Variants in CTNNA2 observed in about 807,000 individuals in gnomAD.
The protein encoded by CTNNA2 is catenin alpha 2, also known as catenin alpha-2.
Under a neutral mutation model 101.0 loss-of-function variants are expected in CTNNA2, and 42 were observed. The observed-to-expected ratio is 0.42, with a 90% CI of 0.32 to 0.54. The LOEUF (loss-of-function observed/expected upper bound fraction) is 0.54, where lower values mean the gene tolerates loss of function less well. Among genes scored for constraint, CTNNA2 ranks in the 20% least tolerant of loss-of-function variants. CTNNA2 has a pLI of 0.14. For missense variants in CTNNA2, 871 were observed against 1,223.1 expected (o/e 0.71, Z 4.29); for synonymous variants, 450 against 456.4 (o/e 0.99, Z 0.18).
chr2:79,911,811 T>A (rs1418517823), intron 7 of CTNNA2, among the ~76,000 whole-genome samples: 1 of 152,212 alleles, frequency 6.6e-6, no homozygotes, highest in Non-Finnish European at 1.5e-5. Context: ...TAACATTTAG[T>A]TGGACTTCAC....
At chr2:80,339,703 T>C (rs1347275762) in intron 7 of CTNNA2, among the ~76,000 whole-genome samples, 2 of 152,210 alleles carry the variant, frequency 1.3e-5, no homozygotes, top group Admixed American at 1.3e-4. Context: ...GTCTTCATGG[T>C]GGTCAATGAA....
At chr2:79,883,379 A>T (rs185117742) in intron 6 of CTNNA2, among the ~76,000 whole-genome samples, 151 of 152,318 alleles carry the variant, frequency 9.9e-4, no homozygotes, top group East Asian at 4.6e-3. Flanking sequence ...TGAATAGTTG[A>T]TGTAGTGATT....
At chr2:79,299,438 C>T (rs968083324) in intron 2 of CTNNA2, among the ~76,000 whole-genome samples, 1 of 152,210 alleles carries the variant, frequency 6.6e-6, no homozygotes, top group African/African-American at 2.4e-5. Flanking sequence ...TCCATGAGGA[C>T]TCAACAAGCA....
chr2:79,877,072 A>C (rs547329951), intron 6 of CTNNA2, among the ~76,000 whole-genome samples: 1 of 151,658 alleles, frequency 6.6e-6, no homozygotes, highest in South Asian at 2.1e-4. Context: ...AGTATATTAT[A>C]TATGAATGAA....
chr2:79,389,264 A>G (rs1006980858), intron 4 of CTNNA2, among the ~76,000 whole-genome samples: 13 of 152,182 alleles, frequency 8.5e-5, no homozygotes, highest in Non-Finnish European at 1.6e-4. Flanking sequence ...AATCAATCAT[A>G]TGGTTAAAAT....
At chr2:79,828,096 A>T (rs944322040) in intron 3 of CTNNA2, among the ~76,000 whole-genome samples, 6 of 152,204 alleles carry the variant, frequency 3.9e-5, no homozygotes, top group African/African-American at 1.4e-4. Flanking sequence ...AATAACTTAC[A>T]TATGAGGTTA....
intron 3 of CTNNA2, among the ~76,000 whole-genome samples, chr2:79,338,643 C>CTTCTTCTTCTTCTTCTTCTT (rs1558634030): frequency 6.9e-6 from 1 of 145,434 alleles, no homozygotes; most frequent in Non-Finnish European, 1.5e-5. Context: ...TCTTCTTCTT[C>CTTCTTCTTCTTCTTCTTCTT]AAAGATTCCT....
chr2:79,961,041 C>A (rs541836624), intron 7 of CTNNA2, among the ~76,000 whole-genome samples: 1 of 151,834 alleles, frequency 6.6e-6, no homozygotes, highest in African/African-American at 2.4e-5. Context: ...TTTCATTATG[C>A]GAATTAAAAT....
intron 9 of CTNNA2, among the ~76,000 whole-genome samples, chr2:80,461,235 C>T (rs922321601): frequency 6.6e-6 from 1 of 152,118 alleles, no homozygotes; most frequent in Non-Finnish European, 1.5e-5. Context: ...GATCACCCTC[C>T]TTGTCTGATG....
chr2:79,276,314 G>C (rs1178892355), intron 2 of CTNNA2, among the ~76,000 whole-genome samples: 2 of 152,020 alleles, frequency 1.3e-5, no homozygotes, highest in Admixed American at 1.3e-4. Flanking sequence ...AGCTATCCAA[G>C]TTTGAAAGTT....
In CTNNA2 at chr2:79,905,216, A is replaced by T. The variant is rs115734870; in HGVS notation, c.853-4378A>T. Among the ~76,000 whole-genome samples the T allele has an allele frequency of 4.1e-3, 625 of 152,324 alleles. 7 individuals carry two copies. Among genetic ancestry groups the T allele is most frequent in the African/African-American group, 0.014 (569 of 41,572 alleles). On this transcript the variant is annotated intron_variant, in intron 6 of 18. Transcript: ENST00000402739. ...TAAAACTCATAAAGCACAAAATAGT[A>T]TGCAAAGCAAATAAGCAAATAAGAA...
Position 80,302,623 on chromosome 2 carries a change from C to T in CTNNA2, c.1057-90588C>T. On this transcript the variant is annotated intron_variant, in intron 7 of 18. Transcript: ENST00000402739. This position sits in a 1 kb window ranked among gnomAD's most constrained non-coding sequence, Gnocchi z 6.4. ...GCTCGAATGTGCCGTCGTGCTGCCC[C>T]TCCCCGCCGTCCGCGAGCGTGGTGG... The T allele has an allele frequency of 6.2e-7, 1 of 1,606,248 alleles. No individual in the cohort carries two copies. Among genetic ancestry groups the T allele is most frequent in the Non-Finnish European group, 8.5e-7 (1 of 1,178,470 alleles).
intron 4 of CTNNA2, among the ~76,000 whole-genome samples, chr2:79,407,914 C>A (rs1041913946): frequency 1.3e-5 from 2 of 152,018 alleles, no homozygotes; most frequent in Non-Finnish European, 2.9e-5. Context: ...TTCAGGATGT[C>A]ATTTGTTATG....
At chr2:79,418,517 C>T (rs1313680061) in intron 4 of CTNNA2, among the ~76,000 whole-genome samples, 1 of 152,068 alleles carries the variant, frequency 6.6e-6, no homozygotes, top group Non-Finnish European at 1.5e-5. Flanking sequence ...ATAATTTTTG[C>T]AAAGGTGGTT....
intron 7 of CTNNA2, among the ~76,000 whole-genome samples, chr2:80,286,132 C>A (rs576077354): frequency 6.6e-6 from 1 of 152,112 alleles, no homozygotes; most frequent in Non-Finnish European, 1.5e-5. Context: ...CACATGGTCC[C>A]TTGAATGCAG....
intron 7 of CTNNA2, among the ~76,000 whole-genome samples, chr2:80,383,787 A>C (rs1676739208): frequency 6.6e-6 from 1 of 152,284 alleles, no homozygotes; most frequent in African/African-American, 2.4e-5. Context: ...AAAAAAAATT[A>C]CCATTCAACC....
chr2:80,423,823 A>G (rs1408764966), intron 9 of CTNNA2, among the ~76,000 whole-genome samples: 1 of 152,172 alleles, frequency 6.6e-6, no homozygotes, highest in African/African-American at 2.4e-5. Flanking sequence ...CAGGATTTCT[A>G]TGTGACAGCC....
At chr2:80,279,412 A>T (rs1423933897) in intron 7 of CTNNA2, among the ~76,000 whole-genome samples, 4 of 152,164 alleles carry the variant, frequency 2.6e-5, no homozygotes, top group Non-Finnish European at 4.4e-5. Flanking sequence ...TAGTGCTGCC[A>T]CTATGATTTT....
intron 8 of CTNNA2, among the ~76,000 whole-genome samples, chr2:80,395,774 C>T (rs888012885): frequency 6.6e-6 from 1 of 152,190 alleles, no homozygotes; most frequent in Admixed American, 6.5e-5. Context: ...AGAGCAGATT[C>T]TAAAAGAGAT....
Sources: gnomAD v4.1 joint callset for allele counts (sites outside exome capture counted in the v4.1 genomes callset) on GRCh38, gnomAD v4.1.1 for gene constraint, Gnocchi (gnomAD v3.1) non-coding constraint, MANE v1.5 for transcripts, NCBI Gene and HGNC (gene_info 2026-07-23, HGNC 2026-07-21) for gene names.